Variants in PCARE observed in about 807,000 individuals in gnomAD.
PCARE encodes the protein photoreceptor cilium actin regulator.
Under a neutral mutation model 82.2 loss-of-function variants are expected in PCARE, and 72 were observed. The observed-to-expected ratio is 0.88, with a 90% CI of 0.72 to 1.07. PCARE has a LOEUF of 1.07. Among genes scored for constraint, PCARE ranks in the 50% least tolerant of loss-of-function variants. The probability of loss-of-function intolerance (pLI) is 0.00; values close to 1 mark genes in which losing one functional copy is unlikely to be tolerated. For synonymous variants in PCARE, 705 were observed against 634.8 expected (o/e 1.11, Z -1.66); for missense variants, 1,768 against 1,592.4 (o/e 1.11, Z -1.88).
In PCARE at chr2:29,072,304, C is replaced by T. The variant is rs753862403; in HGVS notation, c.1958G>A (p.Gly653Asp). 6.2e-7 allele frequency: 1 copy of T among 1,614,200 alleles called. No individual in the cohort carries two copies. Among genetic ancestry groups the T allele is most frequent in the South Asian group, 1.1e-5 (1 of 91,082 alleles). ...GTTGCTTGGACTGACCCTGCAGGTG[C>T]CATTGGGCCACACGGCGGCTGCTCT... ...QPRAAAVWPN[G>D]TCRVSPSNTT... The change falls in exon 1 of 2, where the codon GGC becomes GAC. Residue 653 changes from glycine (G) to aspartate (D), a missense_variant. Transcript: ENST00000331664.
rs1667463032 is a variant in PCARE, at chr2:29,070,874, G to GCTACCTTTACC, written c.3387_3388insGGTAAAGGTAG (p.Leu1130GlyfsTer18). 1 of 1,613,800 alleles carries GCTACCTTTACC rather than the reference G, an allele frequency of 6.2e-7. No homozygotes were observed. The highest frequency in any genetic ancestry group is 8.5e-7 in the Non-Finnish European group (1 of 1,180,042). ...GAGAGTGGCGGTTTAGCTTCAAACA[G>GCTACCTTTACC]AGAGGAGGTAGCTGGGCAGAATATG... On this transcript the variant is annotated frameshift_variant, in exon 1 of 2. Transcript: ENST00000331664. LOFTEE classifies it high-confidence loss of function.
In PCARE at chr2:29,073,020, G is replaced by A. The variant is rs1667521055; in HGVS notation, c.1242C>T (p.Leu414=). The change falls in exon 1 of 2, where the codon CTC becomes CTT. Residue 414 remains leucine (L), a synonymous_variant. Transcript: ENST00000331664. ...GAACCTTTGCCATAGGAGCCCCTGA[G>A]AGCAGGCAGTCCTGGGGTCTGCCTG... ...LGSGRPQDCL[L]SGAPMAKVQP... is the part of the protein sequence containing the mutation. The A allele has an allele frequency of 2.5e-6, 4 of 1,614,152 alleles. No homozygotes were observed. Among genetic ancestry groups the A allele is most frequent in the East Asian group, 4.5e-5 (2 of 44,864 alleles).
chr2:29,064,171 G>C lies in PCARE; in HGVS notation c.*698C>G, dbSNP rs1667353877. 1 of 153,288 alleles carries C rather than the reference G, an allele frequency of 6.5e-6. No individual in the cohort carries two copies. The highest frequency in any genetic ancestry group is 1.5e-5 in the Non-Finnish European group (1 of 68,356). The allele number at this position is 153,288 out of a possible 1,614,324, so 9.5% of individuals were successfully genotyped here. ...GTGTGTTTTAATCCTGGCTCACTCAGCCTTCTCATTTTGGGAGCCATGCAC... is the reference window on the plus strand; with the variant it reads ...GTGTGTTTTAATCCTGGCTCACTCACCCTTCTCATTTTGGGAGCCATGCAC... On this transcript the variant is annotated 3_prime_UTR_variant, in exon 2 of 2. Transcript: ENST00000331664.
rs755702216 is a variant in PCARE at position 29,073,070 on chromosome 2, G to T, written c.1192C>A (p.Gln398Lys). 6.2e-7 allele frequency: 1 copy of T among 1,613,996 alleles called. No homozygotes were observed. The highest frequency in any genetic ancestry group is 2.2e-5 in the East Asian group (1 of 44,856). ...GAGCCCAAACAGAATGGACTTTGCT[G>T]CCAGGTGTGTCCTGACTGCCTGGCC... ...TEARQSGHTW[Q>K]QSPFCLGSGR... Residue 398 changes from glutamine to lysine, a missense_variant, in exon 1 of 2, where the codon CAG becomes AAG. By Grantham distance (53) the Gln-to-Lys change is moderately conservative (BLOSUM62 1). Transcript: ENST00000331664.
At chr2:29,070,336 AT>A (rs1221787865) in intron 1 of PCARE, among the ~76,000 whole-genome samples, 2 of 151,666 alleles carry the variant, frequency 1.3e-5, no homozygotes, top group African/African-American at 2.4e-5. Context: ...TTTGAACTTG[AT>A]TTTTTTTAAT....
Position 29,071,595 on chromosome 2 carries a change from CA to C in PCARE, c.2666del (p.Leu889ArgfsTer12), listed in dbSNP as rs1432003642. The C allele has an allele frequency of 3.1e-6, 5 of 1,612,326 alleles. No individual in the cohort carries two copies. Among genetic ancestry groups the C allele is most frequent in the Non-Finnish European group, 4.2e-6 (5 of 1,179,976 alleles). ...SPKLRASVSPLDLLPSKSTAS... is the reference protein window; with the variant it reads ...SPKLRASVSPXDLLPSKSTAS... ...CGGTGCTCTTGCTGGGCAGCAAGTC[CA>C]GGGGGCTCACAGAGGCCCTCAGCTT... On this transcript the variant is annotated frameshift_variant, in exon 1 of 2. Transcript: ENST00000331664. LOFTEE classifies it high-confidence loss of function.
chr2:29,073,800 T>C lies in PCARE; in HGVS notation c.462A>G (p.Ser154=), dbSNP rs369814456. The part of the protein sequence containing the change: ...KWKRTAKCHT[S]STQSHCYQTI... ...TTTGGTAGCAGTGGCTCTGTGTGCT[T>C]GACGTGTGACATTTTGCTGTCCTTT... Residue 154 remains serine, a synonymous_variant, in exon 1 of 2, where the codon TCA becomes TCG. Transcript: ENST00000331664. 73 of 1,614,098 alleles carry C rather than the reference T, an allele frequency of 4.5e-5. 1 individual carries two copies. The highest frequency in any genetic ancestry group is 5.3e-5 in the Non-Finnish European group (62 of 1,180,044).
intron 1 of PCARE, among the ~76,000 whole-genome samples, chr2:29,067,874 C>T (rs13412547): frequency 0.051 from 7,694 of 152,232 alleles, 627 homozygotes; most frequent in African/African-American, 0.17. Flanking sequence ...ACTGTTACCT[C>T]CCTGCCGCCC....
chr2:29,072,396 C>T lies in PCARE; in HGVS notation c.1866G>A (p.Lys622=), dbSNP rs1667506956. The T allele has an allele frequency of 6.2e-7, 1 of 1,614,078 alleles. No homozygotes were observed. The highest frequency in any genetic ancestry group is 1.3e-5 in the African/African-American group (1 of 74,928). Residue 622 remains lysine, a synonymous_variant, in exon 1 of 2, where the codon AAG becomes AAA. Coordinates refer to ENST00000331664, the MANE Select transcript of PCARE (RefSeq NM_001029883.3). ...LRRVQRDLSQ[K]LEAFYALGAK... ...CACCCAGGGCATAAAATGCCTCCAG[C>T]TTCTGACTGAGGTCCCTCTGGACCC...
rs1375480586 is a variant in PCARE at position 29,070,832 on chromosome 2, T to C, written c.3430A>G (p.Thr1144Ala). ...KPPLSTAHPL[T>A]PPSLPPEAGG... ...GCCTCTGGCGGCAGCGATGGTGGGGTCAGTGGGTGGGCTGTTGAGAGTGGC... is the reference window on the plus strand; with the variant it reads ...GCCTCTGGCGGCAGCGATGGTGGGGCCAGTGGGTGGGCTGTTGAGAGTGGC... Residue 1144 changes from threonine (T) to alanine (A), a missense_variant, in exon 1 of 2, where the codon ACC (threonine) becomes GCC (alanine). By Grantham distance (58) the Thr-to-Ala change is moderately conservative. Transcript: ENST00000331664. 1 of 1,613,794 alleles carries C rather than the reference T, an allele frequency of 6.2e-7. No homozygotes were observed. Among genetic ancestry groups the C allele is most frequent in the Non-Finnish European group, 8.5e-7 (1 of 1,179,994 alleles).
Position 29,073,740 on chromosome 2 carries a change from C to T in PCARE, c.522G>A (p.Val174=), listed in dbSNP as rs2148416901. ...CCTTTACCAGAGGCTCCGGGAAGTC[C>T]ACTTTGCCTTCAGGCTCATGAGCAG... The part of the protein sequence containing the change: ...IHPAHEPEGK[V]DFPEPLVKAH... The change falls in exon 1 of 2, where the codon GTG becomes GTA. Residue 174 remains valine, a synonymous_variant. Transcript: ENST00000331664. The T allele has an allele frequency of 6.2e-7, 1 of 1,614,192 alleles. No individual in the cohort carries two copies. The highest frequency in any genetic ancestry group is 8.5e-7 in the Non-Finnish European group (1 of 1,180,024).
At chr2:29,070,451 C>T (rs1322803254) in intron 1 of PCARE, 143 bp downstream of exon 1, 6 of 1,033,984 alleles carry the variant, frequency 5.8e-6, no homozygotes, top group Admixed American at 1.9e-5. Context: ...GCTGGAACTG[C>T]CCCCTACACC....
In PCARE at chr2:29,072,165, A is replaced by G. The variant is rs748122526; in HGVS notation, c.2097T>C (p.Ala699=). Residue 699 remains alanine (A), a synonymous_variant, in exon 1 of 2, where the codon GCT becomes GCC. Transcript: ENST00000331664. The part of the protein sequence containing the change: ...NPHPEDEQGK[A]GKLPNAIPSG... ...ATGGGATGGCATTTGGAAGCTTCCC[A>G]GCTTTGCCTTGTTCGTCCTCAGGAT... 8 of 1,614,126 alleles carry G rather than the reference A, an allele frequency of 5.0e-6. No homozygotes were observed. The highest frequency in any genetic ancestry group is 8.5e-7 in the Non-Finnish European group (1 of 1,180,054).
At position 29,070,912 on chromosome 2, in the gene PCARE, CCAGA is replaced by C. The variant is rs767188967; in HGVS notation, c.3346_3349del (p.Ser1116GlyfsTer27). ...TGGGCAGAATATGGAATGTGTGTTCCCAGACACTTTGGCTATGACTGCTTGGCTG... is the reference window on the plus strand; with the variant it reads ...TGGGCAGAATATGGAATGTGTGTTCCCACTTTGGCTATGACTGCTTGGCTG... On this transcript the variant is annotated frameshift_variant, in exon 1 of 2. Transcript: ENST00000331664. LOFTEE classifies it high-confidence loss of function. 11 of 1,613,864 alleles carry C rather than the reference CCAGA, an allele frequency of 6.8e-6. No individual in the cohort carries two copies. The African/African-American group carries it at 1.1e-4, about 16-fold the overall frequency.
chr2:29,069,861 T>C (rs910880635), intron 1 of PCARE, among the ~76,000 whole-genome samples: 5 of 152,218 alleles, frequency 3.3e-5, no homozygotes, highest in Non-Finnish European at 7.3e-5. Flanking sequence ...TTTTGGGCTC[T>C]TAATAACTTT....
chr2:29,072,267 C>A lies in PCARE; in HGVS notation c.1995G>T (p.Arg665Ser), dbSNP rs776980292. The A allele has an allele frequency of 6.2e-6, 10 of 1,614,214 alleles. No homozygotes were observed. Among genetic ancestry groups the A allele is most frequent in the Non-Finnish European group, 8.5e-7 (1 of 1,180,042 alleles). Residue 665 changes from arginine (R) to serine (S), a missense_variant, in exon 1 of 2, where the codon AGG becomes AGT. Arg to Ser is a moderately radical substitution (Grantham distance 110). Transcript: ENST00000331664. ...CRVSPSNTTS[R>S]LKASLTKNFS... is the part of the protein sequence containing the mutation. Reference sequence around the variant, plus strand: ...AGTTCTTGGTGAGGGATGCCTTGAGCCTGCTGGTGGTGTTGCTTGGACTGA... The same window carrying A: ...AGTTCTTGGTGAGGGATGCCTTGAGACTGCTGGTGGTGTTGCTTGGACTGA...
Position 29,064,408 on chromosome 2 carries a change from C to A in PCARE, c.*461G>T. ...AAATTTTGCTCTATTCTCTTCTTAGCTGTATGACCTTCAGCCAGACACTTG... is the reference window on the plus strand; with the variant it reads ...AAATTTTGCTCTATTCTCTTCTTAGATGTATGACCTTCAGCCAGACACTTG... On this transcript the variant is annotated 3_prime_UTR_variant, in exon 2 of 2. Coordinates refer to ENST00000331664, the MANE Select transcript of PCARE (RefSeq NM_001029883.3). The A allele has an allele frequency of 4.2e-6, 1 of 236,506 alleles. No individual in the cohort carries two copies. The highest frequency in any genetic ancestry group is 2.2e-5 in the African/African-American group (1 of 44,790). The allele number at this position is 236,506 out of a possible 1,614,324, so 14.7% of individuals were successfully genotyped here.
chr2:29,073,965 A>G lies in PCARE; in HGVS notation c.297T>C (p.Ser99=). 6.2e-7 allele frequency: 1 copy of G among 1,614,208 alleles called. No homozygotes were observed. Among genetic ancestry groups the G allele is most frequent in the Non-Finnish European group, 8.5e-7 (1 of 1,180,022 alleles). Reference sequence around the variant, plus strand: ...TTTGTGATTTGTTCAGCTGGGATGAAGAGGTTTTGGTTCCTGGGATCAGTC... The same window carrying G: ...TTTGTGATTTGTTCAGCTGGGATGAGGAGGTTTTGGTTCCTGGGATCAGTC... ...MEGLIPGTKT[S]SSQLNKSQSH... Residue 99 remains serine, a synonymous_variant, in exon 1 of 2, where the codon TCT becomes TCC. Coordinates refer to ENST00000331664, the MANE Select transcript of PCARE (RefSeq NM_001029883.3).
chr2:29,073,917 C>G lies in PCARE; in HGVS notation c.345G>C (p.Pro115=), dbSNP rs549344507. 5.0e-6 allele frequency: 8 copies of G among 1,614,120 alleles called. No individual in the cohort carries two copies. Among genetic ancestry groups the G allele is most frequent in the South Asian group, 1.1e-5 (1 of 91,092 alleles). The change falls in exon 1 of 2, where the codon CCG becomes CCC. Residue 115 remains proline (P), a synonymous_variant. Coordinates refer to ENST00000331664, the MANE Select transcript of PCARE (RefSeq NM_001029883.3). ...KSQSHMAKDI[P]FKTQGSHGSQ... is the part of the protein sequence containing the mutation. ...ATCCATGGGAACCCTGTGTCTTGAA[C>G]GGAATATCCTTAGCCATGTGGCTTT...
Sources: gnomAD v4.1 joint callset for allele counts (sites outside exome capture counted in the v4.1 genomes callset) on GRCh38, gnomAD v4.1.1 for gene constraint, MANE v1.5 for transcripts, NCBI Gene and HGNC (gene_info 2026-07-23, HGNC 2026-07-21) for gene names.